Variants in FCRL2 observed in about 807,000 individuals in gnomAD.
The protein encoded by FCRL2 is Fc receptor-like protein 2.
FCRL2 carries 48 observed loss-of-function variants against 59.8 expected under a neutral mutation model. The ratio of observed to expected loss-of-function variants is 0.80; its 90% CI spans 0.64 to 1.02. The LOEUF is 1.02. Ranked by LOEUF, FCRL2 falls within the 50% of genes least tolerant of loss-of-function variation. The probability of loss-of-function intolerance (pLI) is 0.00; values close to 1 mark genes in which losing one functional copy is unlikely to be tolerated. For synonymous variants in FCRL2, 251 were observed against 229.5 expected (o/e 1.09, Z -0.85); for missense variants, 658 against 597.3 (o/e 1.10, Z -1.06).
chr1:157,752,103 C>A (rs1648235054), intron 7 of FCRL2, among the ~76,000 whole-genome samples: 1 of 152,206 alleles, frequency 6.6e-6, no homozygotes, highest in South Asian at 2.1e-4. Context: ...GCTTAATGAA[C>A]AAGCGCTCTT....
chr1:157,763,469 G>A (rs1649256798), intron 7 of FCRL2, among the ~76,000 whole-genome samples: 1 of 152,088 alleles, frequency 6.6e-6, no homozygotes, highest in Admixed American at 6.5e-5. Context: ...AATTTGCAGG[G>A]AGCCAAGAAC....
chr1:157,773,997 T>C (rs1650221228), intron 2 of FCRL2, among the ~76,000 whole-genome samples: 1 of 152,168 alleles, frequency 6.6e-6, no homozygotes, highest in African/African-American at 2.4e-5. Context: ...AGCAAATAAA[T>C]AGGAGCACAA....
intron 4 of FCRL2, 25 bp downstream of exon 4, chr1:157,769,841 C>T (rs56360917): frequency 0.012 from 19,836 of 1,593,666 alleles, 171 homozygotes; most frequent in Non-Finnish European, 0.014. Context: ...TTTTTTTCTC[C>T]AGGCTCAGCC....
At chr1:157,763,980 A>G (rs1443887147) in intron 7 of FCRL2, among the ~76,000 whole-genome samples, 1 of 149,112 alleles carries the variant, frequency 6.7e-6, no homozygotes, top group Non-Finnish European at 1.5e-5. Flanking sequence ...CAGTGAGCCG[A>G]TATCGTGCCA....
At chr1:157,759,925 A>T (rs1648893092) in intron 7 of FCRL2, among the ~76,000 whole-genome samples, 1 of 152,232 alleles carries the variant, frequency 6.6e-6, no homozygotes. Context: ...CATTTGGCCA[A>T]GCAATTCCAT....
intron 7 of FCRL2, among the ~76,000 whole-genome samples, chr1:157,763,874 C>CA (rs1466059758): frequency 1.3e-5 from 2 of 151,764 alleles, no homozygotes; most frequent in Admixed American, 6.6e-5. Flanking sequence ...ACTGAAAATA[C>CA]AAAAAATTAG....
At position 157,746,619 on chromosome 1, in the gene FCRL2, G is replaced by A; in HGVS notation, c.*117C>T. 1 of 978,934 alleles carries A rather than the reference G, an allele frequency of 1.0e-6. No homozygotes were observed. The highest frequency in any genetic ancestry group is 1.6e-6 in the Non-Finnish European group (1 of 633,626). 60.6% of individuals were successfully genotyped at this position (978,934 alleles called of 1,614,324 possible). On this transcript the variant is annotated 3_prime_UTR_variant, in exon 12 of 12. Transcript: ENST00000361516. The stretch of plus-strand genomic sequence containing the variant: ...ACAAAAATGACAGGAGGTGCCTCCT[G>A]AGGCACGTTCTGGCTGTGGCAGGTG...
chr1:157,747,831 C>T (rs1464147407), intron 10 of FCRL2, among the ~76,000 whole-genome samples: 2 of 152,150 alleles, frequency 1.3e-5, no homozygotes, highest in Non-Finnish European at 2.9e-5. Flanking sequence ...TTCAGTTATT[C>T]CTCCCATCCC....
rs1341815493 is a variant in FCRL2, at chr1:157,766,951, C to T, written c.1183G>A (p.Asp395Asn). 2 of 1,614,056 alleles carry T rather than the reference C, an allele frequency of 1.2e-6. No individual in the cohort carries two copies. Among genetic ancestry groups the T allele is most frequent in the East Asian group, 2.2e-5 (1 of 44,890 alleles). Reference sequence around the variant, plus strand: ...CAGAGAACTCCAGCTGTCATGAGGTCTCTTCTATAGCCATCAGGTCCTGAG... The same window carrying T: ...CAGAGAACTCCAGCTGTCATGAGGTTTCTTCTATAGCCATCAGGTCCTGAG... ...SISGPDGYRR[D>N]LMTAGVLWGL... The change falls in exon 7 of 12, where the codon GAC becomes AAC. Residue 395 changes from aspartate to asparagine, a missense_variant. By Grantham distance (23) the Asp-to-Asn change is conservative. Transcript: ENST00000361516.
intron 7 of FCRL2, among the ~76,000 whole-genome samples, chr1:157,756,274 T>C (rs1176332359): frequency 6.6e-6 from 1 of 152,236 alleles, no homozygotes; most frequent in Non-Finnish European, 1.5e-5. Context: ...ATCAAGATGC[T>C]GACTTTCTTT....
At chr1:157,769,209 A>T (rs1649780297) in intron 4 of FCRL2, 2 of 155,730 alleles carry the variant, frequency 1.3e-5, no homozygotes, top group African/African-American at 4.8e-5. Context: ...CAATCTCATC[A>T]TGTGGAGACA....
chr1:157,774,912 C>T (rs1170291462), intron 2 of FCRL2, among the ~76,000 whole-genome samples: 1 of 152,140 alleles, frequency 6.6e-6, no homozygotes, highest in Non-Finnish European at 1.5e-5. Flanking sequence ...GAACAAGTCT[C>T]CCTTTCTTTA....
Position 157,768,486 on chromosome 1 carries a change from C to T in FCRL2, c.811G>A (p.Gly271Ser), listed in dbSNP as rs749857247. Reference sequence around the variant, plus strand: ...TTGTCAGCTCTACAGTAATATTTGCCGGCATCACTCTCTTTCACAGCTGGG... The same window carrying T: ...TTGTCAGCTCTACAGTAATATTTGCTGGCATCACTCTCTTTCACAGCTGGG... ...EIPAVKESDA[G>S]KYYCRADNGH... The change falls in exon 5 of 12, where the codon GGC becomes AGC. Residue 271 changes from glycine (G) to serine (S), a missense_variant. Transcript: ENST00000361516. 31 of 1,614,058 alleles carry T rather than the reference C, an allele frequency of 1.9e-5. No homozygotes were observed. The East Asian group carries it at 2.2e-4, about 12-fold the overall frequency.
rs139872242 is a variant in FCRL2 at position 157,770,139 on chromosome 1, G to T, written c.322C>A (p.Arg108Ser). 1.2e-6 allele frequency: 2 copies of T among 1,613,614 alleles called. No homozygotes were observed. The highest frequency in any genetic ancestry group is 1.1e-5 in the South Asian group (1 of 91,062). The change falls in exon 4 of 12, where the codon CGT becomes AGT. Residue 108 changes from arginine (R) to serine (S), a missense_variant. Transcript: ENST00000361516. Reference sequence around the variant, plus strand: ...AAGGAGCTGGCAGTCAGCACAGGACGTTGAAAGAGCTCTAGAGAGAAGGAT... The same window carrying T: ...AAGGAGCTGGCAGTCAGCACAGGACTTTGAAAGAGCTCTAGAGAGAAGGAT... ...VKIKVQELFQ[R>S]PVLTASSFQP...
At position 157,753,116 on chromosome 1, in the gene FCRL2, A is replaced by G. The variant is rs544962605; in HGVS notation, c.1280-3439T>C. On this transcript the variant is annotated intron_variant, in intron 7 of 11. Coordinates refer to ENST00000361516, the MANE Select transcript of FCRL2 (RefSeq NM_030764.4). The stretch of plus-strand genomic sequence containing the variant: ...ATCTGAATAGTATCAGATATTTAGT[A>G]TAGCTGAACTGCTTTTATCCATGAC... Among the ~76,000 whole-genome samples, 230 of 152,312 alleles carry G rather than the reference A, an allele frequency of 1.5e-3. 1 individual carries two copies. Among genetic ancestry groups the G allele is most frequent in the African/African-American group, 5.2e-3 (217 of 41,580 alleles).
At chr1:157,774,268 G>A (rs374552224) in intron 2 of FCRL2, among the ~76,000 whole-genome samples, 5 of 152,176 alleles carry the variant, frequency 3.3e-5, no homozygotes, top group African/African-American at 1.2e-4. Flanking sequence ...TTCAAACCTT[G>A]CAGGGGATTG....
chr1:157,754,191 T>C (rs1648413598), intron 7 of FCRL2, among the ~76,000 whole-genome samples: 1 of 151,964 alleles, frequency 6.6e-6, no homozygotes, highest in Admixed American at 6.6e-5. Context: ...CAGGATGAAA[T>C]AGGAGGTCGG....
chr1:157,746,662 T>A lies in FCRL2; in HGVS notation c.*74A>T. On this transcript the variant is annotated 3_prime_UTR_variant, in exon 12 of 12. Transcript: ENST00000361516. ...GGCAGGTGATAAGCCTCAAGCATTT[T>A]CATAAGGTTTTATAGCAAGTCTTAA... 1 of 1,504,402 alleles carries A rather than the reference T, an allele frequency of 6.6e-7. No homozygotes were observed. The highest frequency in any genetic ancestry group is 9.2e-7 in the Non-Finnish European group (1 of 1,082,954). 93.2% of individuals were successfully genotyped at this position (1,504,402 alleles called of 1,614,324 possible).
At chr1:157,763,352 A>C (rs1649247526) in intron 7 of FCRL2, among the ~76,000 whole-genome samples, 1 of 151,808 alleles carries the variant, frequency 6.6e-6, no homozygotes, top group Admixed American at 6.6e-5. Flanking sequence ...GTGAAACCCC[A>C]TCTCTACTAA....
Sources: gnomAD v4.1 joint callset for allele counts (sites outside exome capture counted in the v4.1 genomes callset) on GRCh38, gnomAD v4.1.1 for gene constraint, MANE v1.5 for transcripts, NCBI Gene and HGNC (gene_info 2026-07-23, HGNC 2026-07-21) for gene names.